KMT2D: variants seen among roughly 807,000 people sequenced by gnomAD.
KMT2D encodes the protein lysine methyltransferase 2D, also known as histone-lysine N-methyltransferase 2D.
Under a neutral mutation model 512.7 loss-of-function variants are expected in KMT2D, and 55 were observed. That is an observed-to-expected ratio of 0.11 (90% CI 0.09 to 0.13). The LOEUF is 0.13. KMT2D is among the 10% of genes least tolerant of loss of function. KMT2D has a pLI of 1.00. For synonymous variants in KMT2D, 2,995 were observed against 2,904.0 expected (o/e 1.03, Z -1.01); for missense variants, 6,061 against 7,127.9 (o/e 0.85, Z 5.39).
rs1942359519 is a variant in KMT2D at position 49,022,136 on chromosome 12, G to A, written c.16428C>T (p.Ser5476=). The change falls in exon 54 of 55, where the codon TCC becomes TCT. Residue 5476 remains serine (S), a synonymous_variant. Coordinates refer to ENST00000301067, the MANE Select transcript of KMT2D (RefSeq NM_003482.4). The surrounding 1 kb of genome is among the most constrained non-coding windows in gnomAD (Gnocchi z 8.6). ...CTTCGGCCACACAGTTAGGGGCACA[G>A]GAATGGTTAATGTACCTGGGCAGTG... ...TGGPARYINH[S]CAPNCVAEVV... is the part of the protein sequence containing the mutation. The A allele has an allele frequency of 6.2e-7, 1 of 1,613,878 alleles. No individual in the cohort carries two copies. Among genetic ancestry groups the A allele is most frequent in the Non-Finnish European group, 8.5e-7 (1 of 1,179,854 alleles).
In KMT2D at chr12:49,024,586, G is replaced by A. The variant is rs369424178; in HGVS notation, c.16044C>T (p.His5348=). 8.7e-6 allele frequency: 14 copies of A among 1,611,598 alleles called. No individual in the cohort carries two copies. In the African/African-American group the frequency reaches 1.7e-4, roughly 20 times the overall value. ...CAGCATCACAAGCTCACCGTTTGTA[G>A]TGTGTGAGGATTTTAGGCTCTGATC... ...CARSEPKILT[H]YKRPHTLNST... is the part of the protein sequence containing the mutation. Residue 5348 remains histidine, a synonymous_variant, in exon 51 of 55, where the codon CAC becomes CAT. Transcript: ENST00000301067. The surrounding 1 kb of genome is among the most constrained non-coding windows in gnomAD (Gnocchi z 4.5).
Position 49,046,024 on chromosome 12 carries a change from C to G in KMT2D, c.4693+41G>C, listed in dbSNP as rs2120598624. 6.2e-7 allele frequency: 1 copy of G among 1,612,444 alleles called. No homozygotes were observed. The highest frequency in any genetic ancestry group is 1.1e-5 in the South Asian group (1 of 90,902). On this transcript the variant is annotated intron_variant, in intron 18 of 54. Coordinates refer to ENST00000301067, the MANE Select transcript of KMT2D (RefSeq NM_003482.4). The surrounding 1 kb of genome is among the most constrained non-coding windows in gnomAD (Gnocchi z 4.2). Reference sequence around the variant, plus strand: ...AGGTCCTGTCCCAAAGCAAGGTACCCCTGCTCTGACTCCTCCCCCTACCCA... The same window carrying G: ...AGGTCCTGTCCCAAAGCAAGGTACCGCTGCTCTGACTCCTCCCCCTACCCA...
In KMT2D at chr12:49,040,548, A is replaced by G. The variant is rs1438558603; in HGVS notation, c.7222T>C (p.Phe2408Leu). 9 of 1,607,872 alleles carry G rather than the reference A, an allele frequency of 5.6e-6. No individual in the cohort carries two copies. The highest frequency in any genetic ancestry group is 7.7e-6 in the Non-Finnish European group (9 of 1,175,632). The change falls in exon 32 of 55, where the codon TTC becomes CTC. Residue 2408 changes from phenylalanine (F) to leucine (L), a missense_variant. Physicochemically the swap from Phe to Leu is conservative, Grantham distance 22. Transcript: ENST00000301067. ...LPPRSLPSDP[F>L]SRVPASPQSQ... ...TGAGGACTGGCAGGCACTCGGGAGA[A>G]AGGGTCGGAGGGCAGTGAGCGAGGG...
rs2120671532 is a variant in KMT2D at position 49,051,535 on chromosome 12, C to G, written c.2148G>C (p.Met716Ile). ...PASPPPEDSL[M>I]SLPLEESPLL... ...GGGGTGACTCCTCCAGCGGCAGGGACATGAGCGAGTCCTCCGGTGGTGGGG... is the reference window on the plus strand; with the variant it reads ...GGGGTGACTCCTCCAGCGGCAGGGAGATGAGCGAGTCCTCCGGTGGTGGGG... The change falls in exon 11 of 55, where the codon ATG becomes ATC. Residue 716 changes from methionine to isoleucine, a missense_variant. Met to Ile is a conservative substitution (Grantham distance 10). This residue lies in a region of KMT2D where 848 missense variants were observed against 838.5 expected (regional missense o/e 1.01). Transcript: ENST00000301067. 2 of 1,613,028 alleles carry G rather than the reference C, an allele frequency of 1.2e-6. No homozygotes were observed. Among genetic ancestry groups the G allele is most frequent in the South Asian group, 2.2e-5 (2 of 90,984 alleles).
chr12:49,035,017 T>C, intron 35 of KMT2D, 82 bp from the exon 36 acceptor site: 1 of 1,547,680 alleles, frequency 6.5e-7, no homozygotes. Context: ...ACATCCTGAC[T>C]TCAACCACGC....
At position 49,039,529 on chromosome 12, in the gene KMT2D, C is replaced by CCTGCAGCTG. The variant is rs1255720605; in HGVS notation, c.8126_8134dup (p.Ala2709_Ala2711dup). The CCTGCAGCTG allele has an allele frequency of 4.3e-6, 7 of 1,612,196 alleles. No homozygotes were observed. Among genetic ancestry groups the CCTGCAGCTG allele is most frequent in the South Asian group, 3.3e-5 (3 of 90,928 alleles). On this transcript the variant is annotated inframe_insertion, in exon 33 of 55. Coordinates refer to ENST00000301067, the MANE Select transcript of KMT2D (RefSeq NM_003482.4). This position sits in a 1 kb window ranked among gnomAD's most constrained non-coding sequence, Gnocchi z 5.0. ...CCAGCTGCCTGGAGGCCCCACTGCT[C>CCTGCAGCTG]CTGCAGCTGCTGCAGCTGTTTCCTT...
In KMT2D at chr12:49,041,822, T is replaced by C; in HGVS notation, c.6183+95A>G. ...CAGATCCCTTCTGGCCCAGCTGCTT[T>C]AGGAGTGGGGAGCGGAAAGAACTGA... On this transcript the variant is annotated intron_variant, in intron 30 of 54. Transcript: ENST00000301067. The surrounding 1 kb of genome is among the most constrained non-coding windows in gnomAD (Gnocchi z 5.4). The C allele has an allele frequency of 6.6e-7, 1 of 1,520,174 alleles. No homozygotes were observed. Among genetic ancestry groups the C allele is most frequent in the East Asian group, 2.4e-5 (1 of 41,296 alleles). 94.2% of individuals were successfully genotyped at this position (1,520,174 alleles called of 1,614,324 possible).
At chr12:49,034,995 C>T (rs1374477985) in intron 35 of KMT2D, 60 bp from the exon 36 acceptor site, 51 of 1,593,822 alleles carry the variant, frequency 3.2e-5, no homozygotes, top group Middle Eastern at 1.7e-4. Context: ...TGAATATCTG[C>T]GATTCCCTTC....
At chr12:49,036,315 T>G (rs2120468910) in intron 35 of KMT2D, among the ~76,000 whole-genome samples, 1 of 143,238 alleles carries the variant, frequency 7.0e-6, no homozygotes, top group East Asian at 2.0e-4. Context: ...CCCAATCGCT[T>G]TTTTTTTTTT....
chr12:49,027,414 C>T, intron 48 of KMT2D, 92 bp from the exon 49 acceptor site: 1 of 1,038,166 alleles, frequency 9.6e-7, no homozygotes, highest in Non-Finnish European at 1.4e-6. Context: ...CCCAAAAGGC[C>T]TCCACATTCT....
chr12:49,034,782 G>C (rs2120459678), intron 36 of KMT2D, 30 bp downstream of exon 36: 1 of 1,610,090 alleles, frequency 6.2e-7, no homozygotes, highest in South Asian at 1.1e-5. Context: ...GAAAGAAAAG[G>C]GCCAACCCCA....
chr12:49,040,371 G>A lies in KMT2D; in HGVS notation c.7399C>T (p.His2467Tyr). 6.4e-7 allele frequency: 1 copy of A among 1,565,978 alleles called. No individual in the cohort carries two copies. Among genetic ancestry groups the A allele is most frequent in the Non-Finnish European group, 8.7e-7 (1 of 1,155,496 alleles). The change falls in exon 32 of 55, where the codon CAT becomes TAT. Residue 2467 changes from histidine (H) to tyrosine (Y), a missense_variant. Transcript: ENST00000301067. ...GGGGGCTGGGGTCGGGGTGGCTTAT[G>A]CAATGGGGCAAATGGGTCACGGGAC... is the stretch of plus-strand genomic sequence containing the variant. ...PQSRDPFAPL[H>Y]KPPRPQPPEV...
At chr12:49,043,050 C>T in intron 26 of KMT2D, 26 bp downstream of exon 26, 1 of 1,596,796 alleles carries the variant, frequency 6.3e-7, no homozygotes, top group Non-Finnish European at 8.6e-7. Context: ...CCCTTATACA[C>T]AAAGAGGTAC....
At position 49,031,211 on chromosome 12, in the gene KMT2D, C is replaced by T. The variant is rs556347963; in HGVS notation, c.13494G>A (p.Leu4498=). ...TGGGGGTACCCTGTAGTTTCTGCTC[C>T]AGCCCAGCCAGCTTGCTGTCAATGT... The part of the protein sequence containing the change: ...NGHIDSKLAG[L]EQKLQGTPSN... The change falls in exon 40 of 55, where the codon CTG becomes CTA. Residue 4498 remains leucine (L), a synonymous_variant. Coordinates refer to ENST00000301067, the MANE Select transcript of KMT2D (RefSeq NM_003482.4). 1.2e-6 allele frequency: 2 copies of T among 1,611,414 alleles called. No individual in the cohort carries two copies. Among genetic ancestry groups the T allele is most frequent in the East Asian group, 2.2e-5 (1 of 44,818 alleles).
rs778474949 is a variant in KMT2D at position 49,039,739 on chromosome 12, C to T, written c.8031G>A (p.Leu2677=). 27 of 1,613,036 alleles carry T rather than the reference C, an allele frequency of 1.7e-5. No individual in the cohort carries two copies. Among genetic ancestry groups the T allele is most frequent in the Middle Eastern group, 1.6e-4 (1 of 6,084 alleles). Residue 2677 remains leucine, a synonymous_variant, in exon 32 of 55, where the codon CTG becomes CTA. Coordinates refer to ENST00000301067, the MANE Select transcript of KMT2D (RefSeq NM_003482.4). The surrounding 1 kb of genome is among the most constrained non-coding windows in gnomAD (Gnocchi z 5.0). ...GTCAACTTACCTGCCGTTGCTTCTC[C>T]AGCTCTGTTTGGCTAAGGCCGGACA... The part of the protein sequence containing the change: ...PGMSGLSQTE[L]EKQRQRQRLR...
In KMT2D at chr12:49,032,843, C is replaced by CTGCTGTTGCTGCTGTTGAAGCTGT; in HGVS notation, c.11838_11861dup (p.Gln3947_Gln3954dup). On this transcript the variant is annotated inframe_insertion, in exon 40 of 55. Transcript: ENST00000301067. Reference sequence around the variant, plus strand: ...GTTGTTGTTGCTGTTGCTGTTGTAGCTGCTGTTGCTGCTGTTGAAGCTGTT... The same window carrying CTGCTGTTGCTGCTGTTGAAGCTGT: ...GTTGTTGTTGCTGTTGCTGTTGTAGCTGCTGTTGCTGCTGTTGAAGCTGTTGCTGTTGCTGCTGTTGAAGCTGTT... 1.3e-6 allele frequency: 2 copies of CTGCTGTTGCTGCTGTTGAAGCTGT among 1,550,174 alleles called. No homozygotes were observed. Among genetic ancestry groups the CTGCTGTTGCTGCTGTTGAAGCTGT allele is most frequent in the Non-Finnish European group, 1.7e-6 (2 of 1,146,734 alleles).
In KMT2D at chr12:49,049,978, T is replaced by C. The variant is rs768301558; in HGVS notation, c.3610A>G (p.Ile1204Val). The C allele has an allele frequency of 1.9e-6, 3 of 1,613,906 alleles. No homozygotes were observed. The highest frequency in any genetic ancestry group is 1.7e-6 in the Non-Finnish European group (2 of 1,179,878). ...PTPPTLIKSDIVNEISNLSQG... is the reference protein window; with the variant it reads ...PTPPTLIKSDVVNEISNLSQG... ...CTCAGATTAGAGATCTCGTTAACGA[T>C]GTCGGATTTGATGAGAGTGGGTGGT... Residue 1204 changes from isoleucine to valine, a missense_variant, in exon 12 of 55, where the codon ATC (isoleucine) becomes GTC (valine). Physicochemically the swap from Ile to Val is conservative, Grantham distance 29 (BLOSUM62 3). Around this residue, in one of 16 missense-constraint regions of KMT2D, gnomAD observed 447 missense variants for 500.1 expected, o/e 0.89. Coordinates refer to ENST00000301067, the MANE Select transcript of KMT2D (RefSeq NM_003482.4).
In KMT2D at chr12:49,052,553, A is replaced by C. The variant is rs2120689145; in HGVS notation, c.1258+11T>G. 1.2e-6 allele frequency: 2 copies of C among 1,611,906 alleles called. No individual in the cohort carries two copies. The highest frequency in any genetic ancestry group is 1.7e-6 in the Non-Finnish European group (2 of 1,178,772). Reference sequence around the variant, plus strand: ...GGGGATGAATTTCAGGGACCCTCAAACCCTACTCACCTAGTGGTTTGGCTT... The same window carrying C: ...GGGGATGAATTTCAGGGACCCTCAACCCCTACTCACCTAGTGGTTTGGCTT... On this transcript the variant is annotated intron_variant, in intron 10 of 54. Transcript: ENST00000301067.
chr12:49,034,549 G>A (rs751421082), intron 37 of KMT2D, 33 bp downstream of exon 37: 1 of 1,612,338 alleles, frequency 6.2e-7, no homozygotes. Flanking sequence ...AGTGGCATAA[G>A]ACACAAGTTC....
Sources: allele counts gnomAD v4.1 joint callset (sites outside exome capture counted in the v4.1 genomes callset), GRCh38; gene constraint gnomAD v4.1.1; regional missense constraint gnomAD v4.1.1; non-coding constraint Gnocchi (gnomAD v3.1); transcripts MANE v1.5; gene names NCBI Gene and HGNC (gene_info 2026-07-23, HGNC 2026-07-21).